The following RGS12 variants were observed in gnomAD, a reference collection of about 807,000 sequenced individuals.
RGS12 encodes regulator of G protein signaling 12, also known as regulator of G-protein signaling 12.
In RGS12, 66 loss-of-function variants were observed where a neutral mutation model predicts 120.1. That is an observed-to-expected ratio of 0.55 (90% CI 0.45 to 0.67). The LOEUF (loss-of-function observed/expected upper bound fraction) is 0.67. RGS12 is among the 30% of genes least tolerant of loss of function. The probability of loss-of-function intolerance (pLI) is 0.00; values close to 1 mark genes in which losing one functional copy is unlikely to be tolerated. For missense variants in RGS12, 1,859 were observed against 1,957.7 expected, an observed-to-expected ratio of 0.95 and a Z score of 0.95; for synonymous variants, 827 against 804.7, an observed-to-expected ratio of 1.03 and a Z score of -0.47.
At chr4:3,330,821 C>T (rs894391017) in intron 2 of RGS12, among the ~76,000 whole-genome samples, 1 of 152,234 alleles carries the variant, frequency 6.6e-6, no homozygotes, top group Admixed American at 6.5e-5. Context: ...GGTTGCTGCT[C>T]TCCACATGTG....
chr4:3,286,210 A>G, the RGS12 span, among the ~76,000 whole-genome samples: 1 of 152,194 alleles, frequency 6.6e-6, no homozygotes, highest in East Asian at 1.9e-4. Context: ...TTTGATGCTT[A>G]GAGCCAGGAG....
At chr4:3,318,962 C>G (rs1560658961) in intron 2 of RGS12, among the ~76,000 whole-genome samples, 2 of 152,208 alleles carry the variant, frequency 1.3e-5, no homozygotes, top group Admixed American at 1.3e-4. Flanking sequence ...GTAAAGACAC[C>G]TTTTTAGTGT....
At chr4:3,342,562 T>G (rs1713346559) in intron 2 of RGS12, 2 of 1,300,028 alleles carry the variant, frequency 1.5e-6, no homozygotes, top group African/African-American at 1.5e-5. Flanking sequence ...ATCATACTAG[T>G]CATCTTTACT....
intron 2 of RGS12, among the ~76,000 whole-genome samples, chr4:3,329,570 C>G (rs1252031571): frequency 1.4e-5 from 2 of 146,818 alleles, no homozygotes; most frequent in African/African-American, 5.4e-5. Flanking sequence ...CAAACGTCCC[C>G]TCATACACTG....
intron 8 of RGS12, 140 bp downstream of exon 8, chr4:3,417,232 C>T: frequency 7.7e-7 from 1 of 1,296,716 alleles, no homozygotes; most frequent in Non-Finnish European, 1.0e-6. Flanking sequence ...GTTCCAGCTG[C>T]TGTCTGGAGT....
At chr4:3,427,163 C>T (rs1383350975) in intron 14 of RGS12, among the ~76,000 whole-genome samples, 3 of 152,204 alleles carry the variant, frequency 2.0e-5, no homozygotes, top group Non-Finnish European at 2.9e-5. Context: ...TGACACCCAC[C>T]CAGGCAGGTG....
chr4:3,292,401 G>A (rs1482419634), upstream of RGS12, among the ~76,000 whole-genome samples: 1 of 152,216 alleles, frequency 6.6e-6, no homozygotes, highest in Non-Finnish European at 1.5e-5. Flanking sequence ...GGGCGTCCCG[G>A]GGCCCGGAGG....
intron 3 of RGS12, among the ~76,000 whole-genome samples, chr4:3,349,895 T>C (rs551964178): frequency 6.6e-6 from 1 of 152,362 alleles, no homozygotes; most frequent in South Asian, 2.1e-4. Context: ...AGACATTTTA[T>C]GAGTATCATT....
intron 3 of RGS12, among the ~76,000 whole-genome samples, chr4:3,363,410 G>C (rs917091877): frequency 4.6e-5 from 7 of 152,074 alleles, no homozygotes; most frequent in Non-Finnish European, 1.0e-4. Context: ...TTTCTTTGAC[G>C]TTCGTTTTGG....
At chr4:3,421,169 C>T (rs926183331) in intron 10 of RGS12, among the ~76,000 whole-genome samples, 1 of 152,204 alleles carries the variant, frequency 6.6e-6, no homozygotes, top group Admixed American at 6.5e-5. Context: ...CCCACACCCT[C>T]TCACACCTGC....
intron 3 of RGS12, among the ~76,000 whole-genome samples, chr4:3,369,530 G>A (rs1716747837): frequency 6.6e-6 from 1 of 152,104 alleles, no homozygotes; most frequent in African/African-American, 2.4e-5. Flanking sequence ...TCAACCTAAC[G>A]TTTCAGGGTT....
chr4:3,430,924 C>A lies in RGS12; in HGVS notation c.4083C>A (p.Thr1361=), dbSNP rs777172784. The part of the protein sequence containing the change: ...PNSTLLPPPS[T]PQEVPGPSRP... ...GCACCTTGCTGCCGCCGCCCTCCAC[C>A]CCCCAGGAAGTGCCAGGACCTTCCA... Residue 1361 remains threonine (T), a synonymous_variant, in exon 17 of 18, where the codon ACC becomes ACA. Transcript: ENST00000336727. 1 of 1,612,786 alleles carries A rather than the reference C, an allele frequency of 6.2e-7. No individual in the cohort carries two copies. The highest frequency in any genetic ancestry group is 1.3e-5 in the African/African-American group (1 of 75,032).
rs1296761057 is a variant in RGS12, at chr4:3,433,739, C to T, written c.4114+2784C>T. ...CACCGCACCGCCCCATGCTTCTAGC[C>T]CCAGCGCCACACGCCACGCGGCACT... On this transcript the variant is annotated intron_variant, in intron 17 of 17. Coordinates refer to ENST00000336727, the MANE Select transcript of RGS12 (RefSeq NM_001394154.1). The surrounding 1 kb of genome is among the most constrained non-coding windows in gnomAD (Gnocchi z 4.4). Among the ~76,000 whole-genome samples, 1 of 152,190 alleles carries T rather than the reference C, an allele frequency of 6.6e-6. No homozygotes were observed. Among genetic ancestry groups the T allele is most frequent in the Non-Finnish European group, 1.5e-5 (1 of 68,038 alleles).
intron 3 of RGS12, among the ~76,000 whole-genome samples, chr4:3,377,223 C>G (rs1288590916): frequency 6.6e-6 from 1 of 152,058 alleles, no homozygotes; most frequent in African/African-American, 2.4e-5. Context: ...AGGCACACAC[C>G]ACCACACCCA....
At chr4:3,380,130 T>C (rs969963827) in intron 3 of RGS12, among the ~76,000 whole-genome samples, 1 of 152,178 alleles carries the variant, frequency 6.6e-6, no homozygotes, top group African/African-American at 2.4e-5. Flanking sequence ...ATGGGAGAAA[T>C]TGGCCATAAC....
intron 2 of RGS12, among the ~76,000 whole-genome samples, chr4:3,331,753 C>A (rs1387306262): frequency 6.6e-6 from 1 of 152,206 alleles, no homozygotes; most frequent in Non-Finnish European, 1.5e-5. Flanking sequence ...GCTCTCCATC[C>A]CCAGCGAAAG....
At chr4:3,437,022 T>G (rs1445083487) in intron 17 of RGS12, among the ~76,000 whole-genome samples, 1 of 152,150 alleles carries the variant, frequency 6.6e-6, no homozygotes, top group Non-Finnish European at 1.5e-5. Flanking sequence ...CTGGAGGTGG[T>G]GCAGGCTCTG....
intron 17 of RGS12, among the ~76,000 whole-genome samples, chr4:3,432,802 G>T (rs1724449754): frequency 6.6e-6 from 1 of 152,198 alleles, no homozygotes; most frequent in Admixed American, 6.5e-5. Flanking sequence ...CTTGGCTCTT[G>T]GGCTGTCTCC....
At chr4:3,343,146 T>A in intron 3 of RGS12, 93 bp downstream of exon 3, 1 of 836,004 alleles carries the variant, frequency 1.2e-6, no homozygotes. Context: ...TTTGAGTCCC[T>A]GTGGTCCCCT....
Sources: gnomAD v4.1 joint callset for allele counts (sites outside exome capture counted in the v4.1 genomes callset) on GRCh38, gnomAD v4.1.1 for gene constraint, Gnocchi (gnomAD v3.1) non-coding constraint, MANE v1.5 for transcripts, NCBI Gene and HGNC (gene_info 2026-07-23, HGNC 2026-07-21) for gene names.